ADCY3: variants seen among roughly 807,000 people sequenced by gnomAD.
ADCY3 encodes the protein adenylate cyclase type 3.
A neutral mutation model predicts 119.4 loss-of-function variants in ADCY3; 70 were observed. The observed-to-expected ratio is 0.59, with a 90% CI of 0.48 to 0.72. The LOEUF is 0.72. Ranked by LOEUF, ADCY3 falls within the 30% of genes least tolerant of loss-of-function variation. The probability of loss-of-function intolerance (pLI) is 0.00; values close to 1 mark genes in which losing one functional copy is unlikely to be tolerated. For missense variants in ADCY3, 1,238 were observed against 1,541.6 expected (o/e 0.80, Z 3.30); for synonymous variants, 672 against 621.4 (o/e 1.08, Z -1.21).
Position 24,839,978 on chromosome 2 carries a change from G to A in ADCY3, c.1250C>T (p.Thr417Met), listed in dbSNP as rs1393904086. The A allele has an allele frequency of 3.1e-6, 5 of 1,613,706 alleles. No homozygotes were observed. The highest frequency in any genetic ancestry group is 4.5e-5 in the East Asian group (2 of 44,882). ...CAGGACGCCCCCCAGCACGGTGCCC[G>A]TGTGCACCCCCACACGCATGTCCAC... ...TGVDMRVGVHTGTVLGGVLGQ... is the reference protein window; with the variant it reads ...TGVDMRVGVHMGTVLGGVLGQ... Residue 417 changes from threonine to methionine, a missense_variant, in exon 7 of 22, where the codon ACG becomes ATG. Thr to Met is a moderately conservative substitution (Grantham distance 81). Transcript: ENST00000679454.
rs1311901564 is a variant in ADCY3 at position 24,831,231 on chromosome 2, A to AAT, written c.2056-407_2056-406insAT. On this transcript the variant is annotated intron_variant, in intron 12 of 21. Coordinates refer to ENST00000679454, the MANE Select transcript of ADCY3 (RefSeq NM_004036.5). ...CTGCTTTACCTTTGTCATTCTGATT[A>AAT]AAAAAAAAAAAAACTCTGCTTGGTA... 5.7e-3 allele frequency among the ~76,000 whole-genome samples: 133 copies of AAT among 23,396 alleles called. 2 individuals are homozygous for AAT. The highest frequency in any genetic ancestry group is 0.011 in the African/African-American group (129 of 11,228). The allele number at this position is 23,396 out of a possible 152,430, so 15.3% of individuals were successfully genotyped here.
In ADCY3 at chr2:24,917,519, G is replaced by GC. The variant is rs1369912203; in HGVS notation, c.675+793dup. ...TCCCTCAGGTCCCCTGGTCTCTGCA[G>GC]CCCCTGAGGGCCTGGCACTTGGTGG... On this transcript the variant is annotated intron_variant, in intron 2 of 21. Transcript: ENST00000679454. 2.6e-5 allele frequency among the ~76,000 whole-genome samples: 4 copies of GC among 152,300 alleles called. No homozygotes were observed. In the East Asian group the frequency reaches 7.7e-4, roughly 29 times the overall value.
At chr2:24,896,174 G>A (rs1321277953) in intron 2 of ADCY3, among the ~76,000 whole-genome samples, 2 of 151,978 alleles carry the variant, frequency 1.3e-5, no homozygotes, top group East Asian at 1.9e-4. Context: ...TCATGAAGTC[G>A]GGAGTTTGAG....
In ADCY3 at chr2:24,839,896, C is replaced by A. The variant is rs1235485217; in HGVS notation, c.1332G>T (p.Lys444Asn). The change falls in exon 7 of 22, where the codon AAG (lysine) becomes AAT (asparagine). Residue 444 changes from lysine to asparagine, a missense_variant. Lys to Asn is a moderately conservative substitution (Grantham distance 94). This residue lies in a region of ADCY3 where 283 missense variants were observed against 437.2 expected (regional missense o/e 0.65). Coordinates refer to ENST00000679454, the MANE Select transcript of ADCY3 (RefSeq NM_004036.5). Reference sequence around the variant, plus strand: ...ACCCAGGGATGCCGCCGGCCTCCATCTTGTTGGCTACAGTGACATCAGTCG... The same window carrying A: ...ACCCAGGGATGCCGCCGGCCTCCATATTGTTGGCTACAGTGACATCAGTCG... ...VWSTDVTVAN[K>N]MEAGGIPGRV... The A allele has an allele frequency of 5.6e-6, 9 of 1,613,918 alleles. No homozygotes were observed. The highest frequency in any genetic ancestry group is 7.6e-6 in the Non-Finnish European group (9 of 1,180,016).
At chr2:24,889,334 G>A (rs1012515459) in intron 2 of ADCY3, among the ~76,000 whole-genome samples, 1 of 152,206 alleles carries the variant, frequency 6.6e-6, no homozygotes, top group Non-Finnish European at 1.5e-5. Flanking sequence ...CTGTGGATGC[G>A]ACATGTTATT....
chr2:24,843,842 A>G (rs760211514), intron 3 of ADCY3, among the ~76,000 whole-genome samples: 2 of 152,248 alleles, frequency 1.3e-5, no homozygotes, highest in Non-Finnish European at 1.5e-5. Context: ...AACCAGGGAC[A>G]GAATGTGGTG....
At chr2:24,850,074 C>G (rs934976494) in intron 3 of ADCY3, among the ~76,000 whole-genome samples, 5 of 151,998 alleles carry the variant, frequency 3.3e-5, no homozygotes, top group African/African-American at 1.2e-4. Flanking sequence ...TGGTGTCACT[C>G]TCTGTGGAAC....
At chr2:24,844,570 C>T (rs568115262) in intron 3 of ADCY3, among the ~76,000 whole-genome samples, 1 of 152,266 alleles carries the variant, frequency 6.6e-6, no homozygotes, top group Non-Finnish European at 1.5e-5. Context: ...GAAGGCTCAA[C>T]TCCACTCCTC....
At chr2:24,822,483 C>T (rs1667927075) in intron 19 of ADCY3, 28 bp downstream of exon 19, 21 of 1,609,370 alleles carry the variant, frequency 1.3e-5, no homozygotes, top group Middle Eastern at 1.8e-4. Context: ...GGCAGAGCCT[C>T]ATCTCTCTGG....
rs1675930507 is a variant in ADCY3 at position 24,878,007 on chromosome 2, C to T, written c.676-5288G>A. The T allele has an allele frequency of 1.1e-5, 5 of 470,062 alleles. No homozygotes were observed. The highest frequency in any genetic ancestry group is 6.2e-5 in the South Asian group (4 of 64,460). The allele number at this position is 470,062 out of a possible 1,614,324, so 29.1% of individuals were successfully genotyped here. ...GTGGTCCCCTTTAGACTGCACAGCA[C>T]GATCAGGCTCTGTGGTGACAGAGGT... On this transcript the variant is annotated intron_variant, in intron 2 of 21. Coordinates refer to ENST00000679454, the MANE Select transcript of ADCY3 (RefSeq NM_004036.5). The surrounding 1 kb of genome is among the most constrained non-coding windows in gnomAD (Gnocchi z 4.0).
chr2:24,838,890 ATCTT>A (rs1670648559), intron 7 of ADCY3: 3 of 1,588,500 alleles, frequency 1.9e-6, no homozygotes, highest in Admixed American at 1.7e-5. Context: ...CAGGAGTACA[ATCTT>A]TCTTCAATCT....
chr2:24,825,866 T>C, intron 16 of ADCY3, 179 bp downstream of exon 16: 2 of 632,116 alleles, frequency 3.2e-6, no homozygotes, highest in Non-Finnish European at 5.7e-6. Context: ...ACTGTCTTCC[T>C]GTGTGACTGA....
In ADCY3 at chr2:24,872,549, G is replaced by C. The variant is rs202214671; in HGVS notation, c.825+21C>G. On this transcript the variant is annotated intron_variant, in intron 3 of 21. Transcript: ENST00000679454. This position sits in a 1 kb window ranked among gnomAD's most constrained non-coding sequence, Gnocchi z 4.4. ...GTCCCTGAGCCCAAGCTCCAGGCCC[G>C]AGGCCTCCCGAGAGCCTCACCTGCT... 1 of 1,611,896 alleles carries C rather than the reference G, an allele frequency of 6.2e-7. No homozygotes were observed. The highest frequency in any genetic ancestry group is 1.1e-5 in the South Asian group (1 of 90,786).
At chr2:24,908,046 G>A (rs1663101849) in intron 2 of ADCY3, among the ~76,000 whole-genome samples, 1 of 151,918 alleles carries the variant, frequency 6.6e-6, no homozygotes, top group Non-Finnish European at 1.5e-5. Context: ...AATGAGCCAA[G>A]CGTGATGGCT....
At chr2:24,885,718 A>C (rs10207393) in intron 2 of ADCY3, among the ~76,000 whole-genome samples, 4,774 of 152,254 alleles carry the variant, frequency 0.031, 106 homozygotes, top group African/African-American at 0.061. Flanking sequence ...TTCCAAAATA[A>C]TATTTTTGCA....
intron 20 of ADCY3, 174 bp from the exon 21 acceptor site, chr2:24,821,022 G>T (rs183446789): frequency 1.1e-6 from 1 of 933,458 alleles, no homozygotes; most frequent in Non-Finnish European, 1.5e-6. Flanking sequence ...CTGTTTATCC[G>T]TGTGCTTGTT....
intron 3 of ADCY3, among the ~76,000 whole-genome samples, chr2:24,870,122 G>A (rs1221544453): frequency 6.6e-6 from 1 of 150,844 alleles, no homozygotes. Flanking sequence ...GACCAGCCTG[G>A]CCAACATGGT....
At chr2:24,863,971 T>C (rs1673987396) in intron 3 of ADCY3, among the ~76,000 whole-genome samples, 1 of 152,216 alleles carries the variant, frequency 6.6e-6, no homozygotes, top group Non-Finnish European at 1.5e-5. Flanking sequence ...CACTCATTGC[T>C]GGTGGAGTAT....
chr2:24,868,607 C>T (rs1178144222), intron 3 of ADCY3, among the ~76,000 whole-genome samples: 1 of 151,968 alleles, frequency 6.6e-6, no homozygotes, highest in Non-Finnish European at 1.5e-5. Context: ...GAACTCCAGC[C>T]TGGGTAACAG....
Sources: allele counts gnomAD v4.1 joint callset (sites outside exome capture counted in the v4.1 genomes callset), GRCh38; gene constraint gnomAD v4.1.1; regional missense constraint gnomAD v4.1.1; non-coding constraint Gnocchi (gnomAD v3.1); transcripts MANE v1.5; gene names NCBI Gene and HGNC (gene_info 2026-07-23, HGNC 2026-07-21).